The following SMAD3 variants were observed in gnomAD, a reference collection of about 807,000 sequenced individuals.
SMAD3 encodes SMAD family member 3, also known as MAD homolog 3.
A neutral mutation model predicts 51.8 loss-of-function variants in SMAD3; 12 were observed. The ratio of observed to expected loss-of-function variants is 0.23; its 90% CI spans 0.15 to 0.38. The LOEUF is 0.38. SMAD3 is among the 10% of genes least tolerant of loss of function. The pLI, the probability that SMAD3 is intolerant of heterozygous loss-of-function variation, is 1.00. For missense variants in SMAD3, 294 were observed against 565.6 expected, an observed-to-expected ratio of 0.52 and a Z score of 4.87; for synonymous variants, 238 against 227.7, an observed-to-expected ratio of 1.05 and a Z score of -0.41.
chr15:67,135,944 C>CA lies in SMAD3; in HGVS notation c.207-28951_207-28950insA, dbSNP rs1414580544. Among the ~76,000 whole-genome samples, 44 of 152,306 alleles carry CA rather than the reference C, an allele frequency of 2.9e-4. 1 individual carries two copies. Among genetic ancestry groups the CA allele is most frequent in the Non-Finnish European group, 4.4e-5 (3 of 68,024 alleles). ...GCTGAAGACCTCCTGTTACTCCAAC[C>CA]CCTTCCCCCTTCTTCTCGCTCCCGT... On this transcript the variant is annotated intron_variant, in intron 1 of 8. Coordinates refer to ENST00000327367, the MANE Select transcript of SMAD3 (RefSeq NM_005902.4).
At position 67,194,767 on chromosome 15, in the gene SMAD3, C is replaced by G. The variant is rs1374174218; in HGVS notation, c.*4231C>G. The G allele has an allele frequency of 1.7e-5, 4 of 232,386 alleles. No homozygotes were observed. The highest frequency in any genetic ancestry group is 8.8e-5 in the African/African-American group (4 of 45,236). 14.4% of individuals were successfully genotyped at this position (232,386 alleles called of 1,614,324 possible). A position where few individuals can be genotyped will look rare whatever the true frequency, so the allele number is the denominator to read the frequency against. On this transcript the variant is annotated 3_prime_UTR_variant, in exon 9 of 9. Transcript: ENST00000327367. ...TGGCCGCGTGTAAAAACAGACAGCT[C>G]TGAGTCAAATCTGGGCCCTTCCACA...
intron 1 of SMAD3, among the ~76,000 whole-genome samples, chr15:67,104,347 G>A (rs911391852): frequency 6.6e-6 from 1 of 152,238 alleles, no homozygotes; most frequent in Non-Finnish European, 1.5e-5. Flanking sequence ...CCGCAGGTTT[G>A]ATCGGGGAAG....
Position 67,194,798 on chromosome 15 carries a change from C to A in SMAD3, c.*4262C>A, listed in dbSNP as rs1963460270. The A allele has an allele frequency of 4.3e-6, 1 of 232,512 alleles. No individual in the cohort carries two copies. Among genetic ancestry groups the A allele is most frequent in the Admixed American group, 5.6e-5 (1 of 17,716 alleles). 14.4% of individuals were successfully genotyped at this position (232,512 alleles called of 1,614,324 possible). On this transcript the variant is annotated 3_prime_UTR_variant, in exon 9 of 9. Coordinates refer to ENST00000327367, the MANE Select transcript of SMAD3 (RefSeq NM_005902.4). Reference sequence around the variant, plus strand: ...CAAATCTGGGCCCTTCCACAAGGGTCCTCTGAACCAAGCCCCACTCCCTTG... The same window carrying A: ...CAAATCTGGGCCCTTCCACAAGGGTACTCTGAACCAAGCCCCACTCCCTTG...
chr15:67,119,596 T>G (rs1394638061), intron 1 of SMAD3, among the ~76,000 whole-genome samples: 1 of 152,150 alleles, frequency 6.6e-6, no homozygotes, highest in Non-Finnish European at 1.5e-5. Flanking sequence ...CTGAATTATC[T>G]CAGACTTGCC....
intron 1 of SMAD3, 105 bp from the exon 2 acceptor site, chr15:67,164,787 TGAG>T: frequency 8.7e-7 from 1 of 1,144,910 alleles, no homozygotes; most frequent in Non-Finnish European, 1.3e-6. Context: ...CTGGGAGAAA[TGAG>T]GGGAGAGAGA....
At chr15:67,149,846 G>C (rs1264181998) in intron 1 of SMAD3, among the ~76,000 whole-genome samples, 1 of 152,152 alleles carries the variant, frequency 6.6e-6, no homozygotes, top group East Asian at 1.9e-4. Flanking sequence ...TGTATGGAAC[G>C]TTAGCAATTG....
Position 67,193,600 on chromosome 15 carries a change from A to T in SMAD3, c.*3064A>T. 1 of 198,092 alleles carries T rather than the reference A, an allele frequency of 5.0e-6. No individual in the cohort carries two copies. Among genetic ancestry groups the T allele is most frequent in the Non-Finnish European group, 9.7e-6 (1 of 102,774 alleles). 12.3% of individuals were successfully genotyped at this position (198,092 alleles called of 1,614,324 possible). ...TGACATTTTGAGACAAGCCTAGAGG[A>T]GTCAGGAGCAGGGACTTTGACTCTT... On this transcript the variant is annotated 3_prime_UTR_variant, in exon 9 of 9. Transcript: ENST00000327367.
intron 1 of SMAD3, among the ~76,000 whole-genome samples, chr15:67,106,818 C>T (rs997591363): frequency 2.6e-5 from 4 of 152,216 alleles, no homozygotes; most frequent in Non-Finnish European, 5.9e-5. Context: ...TCCTACATCT[C>T]AGTCTTTTGC....
At chr15:67,165,502 G>T in intron 3 of SMAD3, 118 bp downstream of exon 3, 1 of 1,271,834 alleles carries the variant, frequency 7.9e-7, no homozygotes, top group South Asian at 1.3e-5. Context: ...CCCTCTTTGC[G>T]CACAGCTCTG....
intron 1 of SMAD3, among the ~76,000 whole-genome samples, chr15:67,067,073 C>A (rs971233827): frequency 6.6e-6 from 1 of 151,838 alleles, no homozygotes; most frequent in Admixed American, 6.6e-5. Flanking sequence ...CCCACCCCCC[C>A]ATCCCGACTC....
chr15:67,153,778 G>A (rs1377101127), intron 1 of SMAD3, among the ~76,000 whole-genome samples: 1 of 152,144 alleles, frequency 6.6e-6, no homozygotes, highest in Non-Finnish European at 1.5e-5. Flanking sequence ...TAGTGCCAAC[G>A]TTGAGAAACT....
intron 1 of SMAD3, among the ~76,000 whole-genome samples, chr15:67,151,063 G>A (rs1962128237): frequency 6.6e-6 from 1 of 151,122 alleles, no homozygotes; most frequent in South Asian, 2.1e-4. Flanking sequence ...TCACCATGTT[G>A]GCCAGGTTGG....
At chr15:67,106,463 C>T (rs188061241) in intron 1 of SMAD3, among the ~76,000 whole-genome samples, 17 of 152,132 alleles carry the variant, frequency 1.1e-4, no homozygotes, top group Middle Eastern at 3.4e-3. Context: ...TTTCTAATTC[C>T]TCCCCTTCAT....
intron 1 of SMAD3, among the ~76,000 whole-genome samples, chr15:67,101,747 G>T (rs1231378575): frequency 6.6e-6 from 1 of 152,212 alleles, no homozygotes; most frequent in Non-Finnish European, 1.5e-5. Context: ...CCTAAAGGTT[G>T]TTCACATTCA....
intron 1 of SMAD3, among the ~76,000 whole-genome samples, chr15:67,116,273 G>C (rs1961133631): frequency 6.6e-6 from 1 of 152,136 alleles, no homozygotes; most frequent in South Asian, 2.1e-4. Flanking sequence ...AGCACATCCT[G>C]GCCATCCACA....
At chr15:67,179,426 C>A (rs930364259) in intron 5 of SMAD3, among the ~76,000 whole-genome samples, 1 of 152,070 alleles carries the variant, frequency 6.6e-6, no homozygotes, top group African/African-American at 2.4e-5. Flanking sequence ...CCCACCCATC[C>A]ACCCACCCAA....
At chr15:67,134,837 GC>G (rs1961616466) in intron 1 of SMAD3, among the ~76,000 whole-genome samples, 1 of 152,198 alleles carries the variant, frequency 6.6e-6, no homozygotes, top group African/African-American at 2.4e-5. Context: ...GTGTGCTGTT[GC>G]CCCTCACACT....
intron 1 of SMAD3, among the ~76,000 whole-genome samples, chr15:67,087,280 A>G (rs1566963756): frequency 6.6e-6 from 1 of 152,190 alleles, no homozygotes; most frequent in Non-Finnish European, 1.5e-5. Flanking sequence ...TCTTGCTCCC[A>G]TGAAAATTCT....
chr15:67,168,745 C>T (rs1388078494), intron 4 of SMAD3, among the ~76,000 whole-genome samples: 1 of 152,150 alleles, frequency 6.6e-6, no homozygotes, highest in Non-Finnish European at 1.5e-5. Flanking sequence ...CTGTTGTGAA[C>T]ATGAGTGATT....
Sources: gnomAD v4.1 joint callset for allele counts (sites outside exome capture counted in the v4.1 genomes callset) on GRCh38, gnomAD v4.1.1 for gene constraint, MANE v1.5 for transcripts, NCBI Gene and HGNC (gene_info 2026-07-23, HGNC 2026-07-21) for gene names.